Variants in PCSK5 observed in about 807,000 individuals in gnomAD.
PCSK5 encodes prohormone convertase 5.
Under a neutral mutation model 233.2 loss-of-function variants are expected in PCSK5, and 129 were observed. The ratio of observed to expected loss-of-function variants is 0.55; its 90% confidence interval spans 0.48 to 0.64. The LOEUF (loss-of-function observed/expected upper bound fraction) is 0.64, where lower values mean the gene tolerates loss of function less well. Ranked by LOEUF, PCSK5 falls within the 30% of genes least tolerant of loss-of-function variation. The pLI is 0.00. For synonymous variants in PCSK5, 825 were observed against 879.2 expected (o/e 0.94, Z 1.09); for missense variants, 2,076 against 2,430.1 (o/e 0.85, Z 3.06).
chr9:76,010,541 T>G (rs1827686622), intron 3 of PCSK5, among the ~76,000 whole-genome samples: 1 of 152,204 alleles, frequency 6.6e-6, no homozygotes, highest in South Asian at 2.1e-4. Context: ...AAGGGCTGCA[T>G]TTTTCTGCTG....
At chr9:76,042,891 C>T (rs997994258) in intron 5 of PCSK5, among the ~76,000 whole-genome samples, 12 of 152,128 alleles carry the variant, frequency 7.9e-5, no homozygotes, top group African/African-American at 2.7e-4. Flanking sequence ...CATGAAGTGC[C>T]TCCTCAAAGG....
intron 21 of PCSK5, among the ~76,000 whole-genome samples, chr9:76,230,307 T>C (rs1826036845): frequency 6.6e-6 from 1 of 152,172 alleles, no homozygotes; most frequent in Non-Finnish European, 1.5e-5. Flanking sequence ...TTTGTTAGGG[T>C]GGACATGGAG....
rs59841813 is a variant in PCSK5, at chr9:76,037,704, C to G, written c.632+10667C>G. ...AGGAAAAGACTGAGCCAAAGAAGAG[C>G]CTGTGAAAATCAGAAACCTCCTCTT... On this transcript the variant is annotated intron_variant, in intron 5 of 37. Transcript: ENST00000674117. Among the ~76,000 whole-genome samples, 13 of 152,218 alleles carry G rather than the reference C, an allele frequency of 8.5e-5. No homozygotes were observed. The East Asian group carries it at 2.5e-3, about 29-fold the overall frequency.
At chr9:76,029,361 A>C (rs1385344714) in intron 5 of PCSK5, among the ~76,000 whole-genome samples, 8 of 152,102 alleles carry the variant, frequency 5.3e-5, no homozygotes, top group Admixed American at 5.2e-4. Context: ...TTTAGGATTT[A>C]GTTTAAATGG....
At chr9:75,992,703 A>G (rs537944408) in intron 3 of PCSK5, among the ~76,000 whole-genome samples, 1 of 152,290 alleles carries the variant, frequency 6.6e-6, no homozygotes, top group African/African-American at 2.4e-5. Context: ...TTGACTCATC[A>G]TCCTAGTTAG....
intron 3 of PCSK5, among the ~76,000 whole-genome samples, chr9:76,020,582 C>G (rs1484282035): frequency 5.9e-5 from 9 of 152,168 alleles, no homozygotes; most frequent in Non-Finnish European, 1.0e-4. Flanking sequence ...GATATTTCTT[C>G]TTTTTCACCT....
intron 9 of PCSK5, among the ~76,000 whole-genome samples, chr9:76,132,095 T>C (rs1400828548): frequency 6.6e-6 from 1 of 152,078 alleles, no homozygotes; most frequent in Admixed American, 6.6e-5. Flanking sequence ...CATACCATCT[T>C]AGGCAGAGCT....
At position 76,326,953 on chromosome 9, in the gene PCSK5, A is replaced by G. The variant is rs148204410; in HGVS notation, c.4340-1056A>G. ...TGGGAGAAGAGAATTGCAGGCAGAC[A>G]GAATGGCAACTACTAAATCCCAGAG... On this transcript the variant is annotated intron_variant, in intron 32 of 37. Transcript: ENST00000674117. 2.2e-3 allele frequency among the ~76,000 whole-genome samples: 339 copies of G among 152,314 alleles called. 1 individual carries two copies. Among genetic ancestry groups the G allele is most frequent in the Non-Finnish European group, 4.0e-3 (275 of 68,028 alleles).
chr9:76,069,844 G>C (rs901135767), intron 6 of PCSK5, among the ~76,000 whole-genome samples: 1 of 151,980 alleles, frequency 6.6e-6, no homozygotes, highest in African/African-American at 2.4e-5. Context: ...TAAGAGGATG[G>C]AGTCGTTCAT....
At chr9:76,204,524 G>C (rs959434636) in intron 20 of PCSK5, among the ~76,000 whole-genome samples, 2 of 146,934 alleles carry the variant, frequency 1.4e-5, no homozygotes, top group African/African-American at 2.5e-5. Context: ...CCTTCCTTTA[G>C]CCTGTCCCGG....
Position 76,190,185 on chromosome 9 carries a change from C to T in PCSK5, c.2626+439C>T, listed in dbSNP as rs144478876. 7.9e-5 allele frequency among the ~76,000 whole-genome samples: 12 copies of T among 152,270 alleles called. No individual in the cohort carries two copies. In the East Asian group the frequency reaches 2.3e-3, roughly 29 times the overall value. ...ATTATCACCCAAAGTCCACAATTTA[C>T]ATTAGGGCTCACTCTTGGTTATATA... is the stretch of plus-strand genomic sequence containing the variant. On this transcript the variant is annotated intron_variant, in intron 20 of 37. Coordinates refer to ENST00000674117, the MANE Select transcript of PCSK5 (RefSeq NM_001372043.1).
intron 4 of PCSK5, among the ~76,000 whole-genome samples, chr9:76,026,211 G>C (rs1320404105): frequency 6.6e-6 from 1 of 152,112 alleles, no homozygotes; most frequent in Non-Finnish European, 1.5e-5. Flanking sequence ...CAGTAATGCA[G>C]GTATTTTTCA....
At chr9:76,328,348 T>C (rs761715465) in intron 33 of PCSK5, 109 bp downstream of exon 33, 27 of 796,096 alleles carry the variant, frequency 3.4e-5, no homozygotes, top group Non-Finnish European at 3.2e-5. Flanking sequence ...ATTTTTTGCT[T>C]TGTGTTTGGG....
intron 20 of PCSK5, among the ~76,000 whole-genome samples, chr9:76,192,709 A>G (rs1824461285): frequency 3.7e-5 from 2 of 53,366 alleles, no homozygotes; most frequent in African/African-American, 1.1e-4. Flanking sequence ...TTGCATAAGC[A>G]TGGAAACAAA....
chr9:76,189,366 T>C lies in PCSK5; in HGVS notation c.2510+143T>C, dbSNP rs1824256178. Reference sequence around the variant, plus strand: ...ACCTGTGGACACTGTTCTGAAGCTTTCACCCAGCTTATCATTGATATTTTT... The same window carrying C: ...ACCTGTGGACACTGTTCTGAAGCTTCCACCCAGCTTATCATTGATATTTTT... On this transcript the variant is annotated intron_variant, in intron 19 of 37. Transcript: ENST00000674117. The C allele has an allele frequency of 8.1e-6, 6 of 742,038 alleles. No individual in the cohort carries two copies. The East Asian group carries it at 1.6e-4, about 20-fold the overall frequency. 46.0% of individuals were successfully genotyped at this position (742,038 alleles called of 1,614,324 possible). A position where few individuals can be genotyped will look rare whatever the true frequency, so the allele number is the denominator to read the frequency against.
intron 20 of PCSK5, among the ~76,000 whole-genome samples, chr9:76,220,504 G>A (rs1463726294): frequency 6.9e-6 from 1 of 144,688 alleles, no homozygotes; most frequent in African/African-American, 2.6e-5. Flanking sequence ...TCCAGCCTGG[G>A]CGACCGAGCA....
chr9:76,037,619 G>A (rs977578473), intron 5 of PCSK5, among the ~76,000 whole-genome samples: 6 of 152,108 alleles, frequency 3.9e-5, no homozygotes, highest in African/African-American at 1.4e-4. Context: ...TTGCACTTAA[G>A]CGACAACCTT....
intron 35 of PCSK5, among the ~76,000 whole-genome samples, chr9:76,339,297 C>G (rs887172754): frequency 6.6e-6 from 1 of 151,902 alleles, no homozygotes; most frequent in Non-Finnish European, 1.5e-5. Flanking sequence ...AGGATACATA[C>G]CTGTTCTTTT....
At chr9:76,307,315 A>G (rs1450130091) in intron 28 of PCSK5, among the ~76,000 whole-genome samples, 3 of 152,160 alleles carry the variant, frequency 2.0e-5, no homozygotes, top group Non-Finnish European at 4.4e-5. Context: ...AGGAAGGGAG[A>G]AAGGGAGGGA....
Sources: gnomAD v4.1 joint callset for allele counts (sites outside exome capture counted in the v4.1 genomes callset) on GRCh38, gnomAD v4.1.1 for gene constraint, MANE v1.5 for transcripts, NCBI Gene and HGNC (gene_info 2026-07-23, HGNC 2026-07-21) for gene names.